PID1: variants seen among roughly 807,000 people sequenced by gnomAD.
PID1 encodes the protein phosphotyrosine interaction domain containing 1.
A neutral mutation model predicts 19.1 loss-of-function variants in PID1; 10 were observed. The observed-to-expected ratio is 0.52, with a 90% CI of 0.32 to 0.89. The LOEUF is 0.89. Among genes scored for constraint, PID1 ranks in the 40% least tolerant of loss-of-function variants. PID1 has a pLI of 0.03. For missense variants in PID1, 248 were observed against 285.3 expected (o/e 0.87, Z 0.94); for synonymous variants, 130 against 116.0 (o/e 1.12, Z -0.78).
intron 1 of PID1, among the ~76,000 whole-genome samples, chr2:229,177,075 T>C (rs552255150): frequency 3.3e-5 from 5 of 152,272 alleles, no homozygotes; most frequent in African/African-American, 1.2e-4. Flanking sequence ...AGAGAACTTG[T>C]GAAGGGAAAT....
At chr2:229,194,154 T>C (rs955071038) in intron 1 of PID1, among the ~76,000 whole-genome samples, 27 of 152,108 alleles carry the variant, frequency 1.8e-4, no homozygotes, top group Non-Finnish European at 1.5e-5. Context: ...TTGAACCTTC[T>C]GAGTTTTCAA....
intron 1 of PID1, among the ~76,000 whole-genome samples, chr2:229,182,561 G>A (rs1017661862): frequency 2.6e-5 from 4 of 152,056 alleles, no homozygotes; most frequent in South Asian, 2.1e-4. Flanking sequence ...TGAAGGCCAC[G>A]GATTCCCACC....
chr2:229,144,368 T>G (rs1690081731), intron 2 of PID1, among the ~76,000 whole-genome samples: 1 of 152,092 alleles, frequency 6.6e-6, no homozygotes, highest in Admixed American at 6.6e-5. Flanking sequence ...CAGGAGGAGA[T>G]GAAGAATACA....
chr2:229,083,919 G>T (rs1291133779), intron 2 of PID1, among the ~76,000 whole-genome samples: 1 of 152,202 alleles, frequency 6.6e-6, no homozygotes, highest in African/African-American at 2.4e-5. Context: ...AGGTAGCTAA[G>T]GAGTTCAATG....
chr2:229,134,013 C>T (rs1689803148), intron 2 of PID1, among the ~76,000 whole-genome samples: 1 of 151,858 alleles, frequency 6.6e-6, no homozygotes, highest in Non-Finnish European at 1.5e-5. Flanking sequence ...CAGCCCTGGC[C>T]TCTGTCCACT....
intron 2 of PID1, among the ~76,000 whole-genome samples, chr2:229,036,014 T>C (rs1161895303): frequency 2.0e-5 from 3 of 152,190 alleles, no homozygotes. Flanking sequence ...TGAAATGGTG[T>C]TTAACAAAGC....
chr2:229,025,490 A>C lies in PID1; in HGVS notation c.*142T>G, dbSNP rs1693394111. ...TTTAATGATACATTTCTTTAGATTTAGAATTGCTCTTCTGAATTTAAAAAC... is the reference window on the plus strand; with the variant it reads ...TTTAATGATACATTTCTTTAGATTTCGAATTGCTCTTCTGAATTTAAAAAC... On this transcript the variant is annotated 3_prime_UTR_variant, in exon 3 of 3. Coordinates refer to ENST00000392055, the MANE Select transcript of PID1 (RefSeq NM_001100818.2). The C allele has an allele frequency of 1.0e-5, 7 of 673,534 alleles. No individual in the cohort carries two copies. In the South Asian group the frequency reaches 1.3e-4, roughly 12 times the overall value. 41.7% of individuals were successfully genotyped at this position (673,534 alleles called of 1,614,324 possible). A position where few individuals can be genotyped will look rare whatever the true frequency, so the allele number is the denominator to read the frequency against.
At chr2:229,167,959 A>T (rs1690636667) in intron 1 of PID1, among the ~76,000 whole-genome samples, 1 of 152,200 alleles carries the variant, frequency 6.6e-6, no homozygotes, top group African/African-American at 2.4e-5. Flanking sequence ...ACTTGTGTTC[A>T]TATTTTAGCA....
intron 2 of PID1, among the ~76,000 whole-genome samples, chr2:229,077,901 G>GT (rs61491268): frequency 5.3e-5 from 8 of 152,292 alleles, no homozygotes; most frequent in African/African-American, 1.9e-4. Context: ...ATTTAAAATA[G>GT]TTTTTTCTAA....
chr2:229,088,851 CTT>C (rs1694818083), intron 2 of PID1, among the ~76,000 whole-genome samples: 1 of 152,138 alleles, frequency 6.6e-6, no homozygotes, highest in Non-Finnish European at 1.5e-5. Context: ...AGGGATTCAT[CTT>C]TGTCCAGGTT....
At chr2:229,104,876 G>A (rs529986782) in intron 2 of PID1, among the ~76,000 whole-genome samples, 32 of 152,332 alleles carry the variant, frequency 2.1e-4, no homozygotes, top group Non-Finnish European at 4.1e-4. Flanking sequence ...CACATTGCTA[G>A]CTATAAACAA....
intron 1 of PID1, among the ~76,000 whole-genome samples, chr2:229,197,039 G>C (rs2106236785): frequency 6.6e-6 from 1 of 152,050 alleles, no homozygotes; most frequent in Non-Finnish European, 1.5e-5. Context: ...CTGACAAAGG[G>C]CAAAATTTTC....
intron 1 of PID1, among the ~76,000 whole-genome samples, chr2:229,233,569 G>A (rs1050712557): frequency 5.3e-5 from 8 of 150,404 alleles, no homozygotes; most frequent in Admixed American, 2.0e-4. Flanking sequence ...TTGGCTCACT[G>A]CAACCTCCAC....
At chr2:229,179,980 A>T (rs1015042012) in intron 1 of PID1, among the ~76,000 whole-genome samples, 1 of 152,182 alleles carries the variant, frequency 6.6e-6, no homozygotes, top group Admixed American at 6.5e-5. Context: ...CCAGCACAAG[A>T]CCAAATCTGC....
intron 2 of PID1, among the ~76,000 whole-genome samples, chr2:229,138,426 G>A (rs145964317): frequency 4.1e-4 from 62 of 152,098 alleles, no homozygotes; most frequent in Middle Eastern, 3.4e-3. Context: ...AAGTCCCTGC[G>A]TTCCCTCTAG....
chr2:229,139,151 A>AAGCG (rs1375974123), intron 2 of PID1, among the ~76,000 whole-genome samples: 1 of 129,712 alleles, frequency 7.7e-6, no homozygotes, highest in Non-Finnish European at 1.7e-5. Flanking sequence ...GAAAGAAAGC[A>AAGCG]AGCGAGCGAG....
chr2:229,187,313 AG>A (rs1350110485), intron 1 of PID1, among the ~76,000 whole-genome samples: 1 of 152,170 alleles, frequency 6.6e-6, no homozygotes, highest in Admixed American at 6.5e-5. Context: ...TTACTGTATT[AG>A]TCCATTTTCA....
At chr2:229,257,058 T>G (rs186947907) in intron 1 of PID1, among the ~76,000 whole-genome samples, 30 of 152,262 alleles carry the variant, frequency 2.0e-4, no homozygotes, top group Admixed American at 1.8e-3. Flanking sequence ...ATATTCTCAT[T>G]ATCCCCATTT....
At chr2:229,073,869 T>G (rs1055123557) in intron 2 of PID1, among the ~76,000 whole-genome samples, 2 of 152,216 alleles carry the variant, frequency 1.3e-5, no homozygotes, top group African/African-American at 4.8e-5. Flanking sequence ...AAAATGAACT[T>G]TACTTTCTTA....
Sources: gnomAD v4.1 joint callset for allele counts (sites outside exome capture counted in the v4.1 genomes callset) on GRCh38, gnomAD v4.1.1 for gene constraint, MANE v1.5 for transcripts, NCBI Gene and HGNC (gene_info 2026-07-23, HGNC 2026-07-21) for gene names.